The following NAV3 variants were observed in gnomAD, a reference collection of about 807,000 sequenced individuals.
NAV3 encodes neuron navigator 3.
A neutral mutation model predicts 244.7 loss-of-function variants in NAV3; 87 were observed. That is an observed-to-expected ratio of 0.36 (90% CI 0.30 to 0.42). The LOEUF (loss-of-function observed/expected upper bound fraction) is 0.42, where lower values mean the gene tolerates loss of function less well. Among genes scored for constraint, NAV3 ranks in the 20% least tolerant of loss-of-function variants. The pLI is 1.00. For missense variants in NAV3, 2,663 were observed against 2,893.3 expected, an observed-to-expected ratio of 0.92 and a Z score of 1.83; for synonymous variants, 1,126 against 1,042.2, an observed-to-expected ratio of 1.08 and a Z score of -1.55.
chr12:77,749,471 A>C (rs563000383), intron 2 of NAV3, among the ~76,000 whole-genome samples: 71 of 152,344 alleles, frequency 4.7e-4, no homozygotes, highest in African/African-American at 1.6e-3. Flanking sequence ...CCATACACAA[A>C]GTTAATCTGC....
chr12:77,824,044 A>C (rs2136040323), intron 2 of NAV3, among the ~76,000 whole-genome samples: 1 of 152,230 alleles, frequency 6.6e-6, no homozygotes, highest in South Asian at 2.1e-4. Flanking sequence ...GGAAACAGTA[A>C]TAGAAGTTAT....
rs571101437 is a variant in NAV3 at position 78,097,549 on chromosome 12, C to T, written c.2637-19223C>T. Among the ~76,000 whole-genome samples, 7 of 152,202 alleles carry T rather than the reference C, an allele frequency of 4.6e-5. No homozygotes were observed. The East Asian group carries it at 1.2e-3, about 25-fold the overall frequency. ...TTTAAAGCAATGTTCCTCACCAAGG[C>T]GATGTTCTGAATGTTTTAAAATGGA... On this transcript the variant is annotated intron_variant, in intron 12 of 39. Coordinates refer to ENST00000397909, the MANE Select transcript of NAV3 (RefSeq NM_001024383.2).
chr12:78,009,739 A>G (rs1874927579), intron 8 of NAV3, among the ~76,000 whole-genome samples: 1 of 152,200 alleles, frequency 6.6e-6, no homozygotes, highest in Non-Finnish European at 1.5e-5. Context: ...AGCCTTCCCT[A>G]AACTTCACTT....
intron 2 of NAV3, among the ~76,000 whole-genome samples, chr12:77,684,138 G>T (rs139657196): frequency 6.6e-6 from 1 of 152,274 alleles, no homozygotes; most frequent in Non-Finnish European, 1.5e-5. Flanking sequence ...TCTAATGAGT[G>T]TGAAGTGATA....
intron 2 of NAV3, among the ~76,000 whole-genome samples, chr12:77,821,210 G>T (rs930213868): frequency 6.6e-6 from 1 of 152,038 alleles, no homozygotes; most frequent in African/African-American, 2.4e-5. Context: ...TTTCTGGGTG[G>T]TTCCTAGAAA....
At chr12:77,867,210 G>T (rs920776065) in intron 1 of NAV3, among the ~76,000 whole-genome samples, 3 of 152,144 alleles carry the variant, frequency 2.0e-5, no homozygotes, top group Non-Finnish European at 4.4e-5. Context: ...TCTTGTGGTT[G>T]TTAATAAGTC....
intron 2 of NAV3, among the ~76,000 whole-genome samples, chr12:77,588,544 G>A (rs1277105773): frequency 3.3e-5 from 5 of 152,230 alleles, no homozygotes; most frequent in African/African-American, 1.2e-4. Flanking sequence ...ACCTGATGTT[G>A]CATTTTTCAT....
intron 26 of NAV3, 84 bp from the exon 27 acceptor site, chr12:78,177,057 G>C: frequency 7.1e-7 from 1 of 1,408,482 alleles, no homozygotes; most frequent in Non-Finnish European, 1.0e-6. Context: ...CAGTGGCTAG[G>C]ATGGCATCTG....
chr12:77,635,288 G>A (rs1872109521), intron 2 of NAV3, among the ~76,000 whole-genome samples: 1 of 151,822 alleles, frequency 6.6e-6, no homozygotes, highest in African/African-American at 2.4e-5. Flanking sequence ...TCATACTCCT[G>A]TGCTCAAGCA....
chr12:77,740,027 CT>C (rs1868299174), intron 2 of NAV3, among the ~76,000 whole-genome samples: 1 of 152,104 alleles, frequency 6.6e-6, no homozygotes, highest in East Asian at 1.9e-4. Flanking sequence ...TTCTTCAGTG[CT>C]TTAAAAGAAA....
intron 30 of NAV3, among the ~76,000 whole-genome samples, chr12:78,182,290 C>A (rs538167677): frequency 5.3e-5 from 8 of 152,086 alleles, no homozygotes; most frequent in African/African-American, 1.7e-4. Flanking sequence ...TAGAATCTGG[C>A]AGTTCTGAAC....
At chr12:77,830,226 C>T (rs1873463363), upstream of NAV3, among the ~76,000 whole-genome samples, 1 of 152,160 alleles carries the variant, frequency 6.6e-6, no homozygotes, top group Admixed American at 6.5e-5. Flanking sequence ...TTTTTAGAAG[C>T]TTGGGATTTT....
At chr12:77,673,843 A>G (rs1385986779) in intron 2 of NAV3, among the ~76,000 whole-genome samples, 3 of 152,162 alleles carry the variant, frequency 2.0e-5, no homozygotes, top group Non-Finnish European at 4.4e-5. Flanking sequence ...ATCAACACAC[A>G]ATGAACTCTT....
intron 2 of NAV3, among the ~76,000 whole-genome samples, chr12:77,809,346 G>A (rs1278066312): frequency 6.6e-6 from 1 of 152,204 alleles, no homozygotes; most frequent in Non-Finnish European, 1.5e-5. Flanking sequence ...CAAAGACCAT[G>A]GGAAAAGCGT....
At chr12:77,967,981 A>T (rs1892660902) in intron 4 of NAV3, among the ~76,000 whole-genome samples, 1 of 152,198 alleles carries the variant, frequency 6.6e-6, no homozygotes, top group Non-Finnish European at 1.5e-5. Context: ...ATACATACAT[A>T]AATATGTATA....
At chr12:77,904,757 A>G (rs1885776524) in intron 1 of NAV3, among the ~76,000 whole-genome samples, 1 of 152,182 alleles carries the variant, frequency 6.6e-6, no homozygotes, top group South Asian at 2.1e-4. Context: ...TTACTTCAGA[A>G]CTACTGCCAG....
chr12:77,981,301 ATC>A lies in NAV3; in HGVS notation c.671+12607_671+12608del, dbSNP rs1869516658. On this transcript the variant is annotated intron_variant, in intron 5 of 39. Transcript: ENST00000397909. ...GATATATTTGCAGAAGTGGCTAAAT[ATC>A]TCTCTCTTTCTTAGTGCTAATAGCA... is the stretch of plus-strand genomic sequence containing the variant. Among the ~76,000 whole-genome samples, 16 of 152,130 alleles carry A rather than the reference ATC, an allele frequency of 1.1e-4. No homozygotes were observed. The South Asian group carries it at 3.3e-3, about 31-fold the overall frequency.
intron 1 of NAV3, among the ~76,000 whole-genome samples, chr12:77,900,066 T>C (rs1419215878): frequency 6.6e-6 from 1 of 150,452 alleles, no homozygotes; most frequent in Non-Finnish European, 1.5e-5. Context: ...CTCAGTGTCA[T>C]TGTTCTCAAT....
chr12:78,189,529 A>C (rs547149127), intron 33 of NAV3, among the ~76,000 whole-genome samples: 1 of 150,956 alleles, frequency 6.6e-6, no homozygotes, highest in East Asian at 2.0e-4. Context: ...GATGGGGTGA[A>C]GAGAAAGTAA....
Sources: allele counts gnomAD v4.1 joint callset (sites outside exome capture counted in the v4.1 genomes callset), GRCh38; gene constraint gnomAD v4.1.1; transcripts MANE v1.5; gene names NCBI Gene and HGNC (gene_info 2026-07-23, HGNC 2026-07-21).